Variants in CH25H observed in about 807,000 individuals in gnomAD.
The protein encoded by CH25H is cholesterol 25-monooxygenase.
Under a neutral mutation model 16.6 loss-of-function variants are expected in CH25H, and 10 were observed. The ratio of observed to expected loss-of-function variants is 0.60; its 90% CI spans 0.37 to 1.02. The LOEUF (loss-of-function observed/expected upper bound fraction) is 1.02. Ranked by LOEUF, CH25H falls within the 50% of genes least tolerant of loss-of-function variation. The pLI is 0.01. For missense variants in CH25H, 326 were observed against 344.7 expected (o/e 0.95, Z 0.43); for synonymous variants, 178 against 158.8 (o/e 1.12, Z -0.91).
chr10:89,206,377 A>T lies in CH25H; in HGVS notation c.*97T>A. ...ATAGATAAACATAAAGCAATAAGTT[A>T]GTTGCTTTAAAAAAATATATAGCTC... On this transcript the variant is annotated 3_prime_UTR_variant, in exon 1 of 1. Coordinates refer to ENST00000371852, the MANE Select transcript of CH25H (RefSeq NM_003956.4). The T allele has an allele frequency of 2.3e-6, 2 of 854,386 alleles. No homozygotes were observed. The highest frequency in any genetic ancestry group is 1.8e-5 in the South Asian group (1 of 56,876). The allele number at this position is 854,386 out of a possible 1,614,324, so 52.9% of individuals were successfully genotyped here. A position where few individuals can be genotyped will look rare whatever the true frequency, so the allele number is the denominator to read the frequency against.
Position 89,206,256 on chromosome 10 carries a change from A to C in CH25H, c.*218T>G, listed in dbSNP as rs1276962951. 1.8e-6 allele frequency: 1 copy of C among 547,458 alleles called. No homozygotes were observed. Among genetic ancestry groups the C allele is most frequent in the Non-Finnish European group, 3.3e-6 (1 of 305,562 alleles). The allele number at this position is 547,458 out of a possible 1,614,324, so 33.9% of individuals were successfully genotyped here. A position where few individuals can be genotyped will look rare whatever the true frequency, so the allele number is the denominator to read the frequency against. On this transcript the variant is annotated 3_prime_UTR_variant, in exon 1 of 1. Transcript: ENST00000371852. The stretch of plus-strand genomic sequence containing the variant: ...AAGGCTATTGAGGTGAGCTAGACTA[A>C]GAATACCAAGAACACAAAATTGTAT...
chr10:89,206,603 G>A lies in CH25H; in HGVS notation c.690C>T (p.Phe230=). 3 of 1,614,172 alleles carry A rather than the reference G, an allele frequency of 1.9e-6. No homozygotes were observed. The highest frequency in any genetic ancestry group is 2.5e-6 in the Non-Finnish European group (3 of 1,180,018). Residue 230 remains phenylalanine, a synonymous_variant, in exon 1 of 1, where the codon TTC becomes TTT. Coordinates refer to ENST00000371852, the MANE Select transcript of CH25H (RefSeq NM_003956.4). ...GGTGCACCACACCCCCGTACCACCC[G>A]AAGGGCACCAGTCTGTGAGTGGACC... ...FPWSTHRLVP[F]GWYGGVVHHD... is the part of the protein sequence containing the mutation.
Position 89,207,255 on chromosome 10 carries a change from C to A in CH25H, c.38G>T (p.Cys13Phe), listed in dbSNP as rs767357929. 7.5e-6 allele frequency: 12 copies of A among 1,595,464 alleles called. No individual in the cohort carries two copies. The highest frequency in any genetic ancestry group is 1.0e-5 in the Non-Finnish European group (12 of 1,172,240). Residue 13 changes from cysteine (C) to phenylalanine (F), a missense_variant, in exon 1 of 1, where the codon TGC becomes TTC. Coordinates refer to ENST00000371852, the MANE Select transcript of CH25H (RefSeq NM_003956.4). ...CTGCAGGAACAGCTGCCCGGAGCTG[C>A]AAAGGACCTGGGGGTCGGAGCAGTT... ...CHNCSDPQVL[C>F]SSGQLFLQPL...
At position 89,206,644 on chromosome 10, in the gene CH25H, C is replaced by G; in HGVS notation, c.649G>C (p.Gly217Arg). The change falls in exon 1 of 1, where the codon GGC (glycine) becomes CGC (arginine). Residue 217 changes from glycine to arginine, a missense_variant. Transcript: ENST00000371852. ...TGAGTGGACCAAGGGAAGTTGTAGC[C>G]GGAGTGGTCCTCCACGGAAAGCCAG... ...NIWLSVEDHSGYNFPWSTHRL... is the reference protein window; with the variant it reads ...NIWLSVEDHSRYNFPWSTHRL... 6.2e-7 allele frequency: 1 copy of G among 1,614,170 alleles called. No homozygotes were observed. Among genetic ancestry groups the G allele is most frequent in the Non-Finnish European group, 8.5e-7 (1 of 1,180,030 alleles).
chr10:89,206,792 G>T lies in CH25H; in HGVS notation c.501C>A (p.Phe167Leu), dbSNP rs778011111. 2 of 1,614,240 alleles carry T rather than the reference G, an allele frequency of 1.2e-6. No homozygotes were observed. Among genetic ancestry groups the T allele is most frequent in the South Asian group, 1.1e-5 (1 of 91,072 alleles). Residue 167 changes from phenylalanine to leucine, a missense_variant, in exon 1 of 1, where the codon TTC (phenylalanine) becomes TTA (leucine). Phe to Leu is a conservative substitution (Grantham distance 22). Transcript: ENST00000371852. The stretch of plus-strand genomic sequence containing the variant: ...CGCTCATATACTGCGTTGCCAGCGC[G>T]AACGAGGACGAGTTCTGGTGGTGCA... The part of the protein sequence containing the change: ...HKVHHQNSSS[F>L]ALATQYMSVW...
chr10:89,207,317 G>T lies in CH25H; in HGVS notation c.-25C>A, dbSNP rs1215719647. ...TTGCGAGGCTGTGCAAGGCAGCTGAGGCTGCTGCTCGAGTCCCATCGACTT... is the reference window on the plus strand; with the variant it reads ...TTGCGAGGCTGTGCAAGGCAGCTGATGCTGCTGCTCGAGTCCCATCGACTT... On this transcript the variant is annotated 5_prime_UTR_variant, in exon 1 of 1. Transcript: ENST00000371852. The T allele has an allele frequency of 6.6e-7, 1 of 1,522,154 alleles. No homozygotes were observed. The highest frequency in any genetic ancestry group is 2.0e-5 in the Admixed American group (1 of 50,044). 94.3% of individuals were successfully genotyped at this position (1,522,154 alleles called of 1,614,324 possible).
Position 89,206,480 on chromosome 10 carries a change from C to A in CH25H, c.813G>T (p.Ala271=). Residue 271 remains alanine (A), a synonymous_variant, in exon 1 of 1, where the codon GCG becomes GCT. Transcript: ENST00000371852. ...LGTLRTASVP[A]R Reference sequence around the variant, plus strand: ...GGCACCCACCGCAGCCACATCACCGCGCTGGGACAGATGCAGTCCGCAGCG... The same window carrying A: ...GGCACCCACCGCAGCCACATCACCGAGCTGGGACAGATGCAGTCCGCAGCG... 6.2e-7 allele frequency: 1 copy of A among 1,606,770 alleles called. No homozygotes were observed. The highest frequency in any genetic ancestry group is 8.5e-7 in the Non-Finnish European group (1 of 1,175,890).
At position 89,206,863 on chromosome 10, in the gene CH25H, G is replaced by A; in HGVS notation, c.430C>T (p.Leu144=). ...AGCCAGGGCACCTTGTGGTGCAGCA[G>A]GTGCCACACGAAGAACTCCATGTCG... ...LFDMEFFVWH[L]LHHKVPWLYR... Residue 144 remains leucine, a synonymous_variant, in exon 1 of 1, where the codon CTG becomes TTG. Coordinates refer to ENST00000371852, the MANE Select transcript of CH25H (RefSeq NM_003956.4). The A allele has an allele frequency of 2.5e-6, 4 of 1,614,252 alleles. No homozygotes were observed. The highest frequency in any genetic ancestry group is 3.4e-6 in the Non-Finnish European group (4 of 1,180,048).
chr10:89,206,195 T>C lies in CH25H; in HGVS notation c.*279A>G. The C allele has an allele frequency of 2.7e-6, 1 of 370,080 alleles. No individual in the cohort carries two copies. Among genetic ancestry groups the C allele is most frequent in the Non-Finnish European group, 5.0e-6 (1 of 201,020 alleles). 22.9% of individuals were successfully genotyped at this position (370,080 alleles called of 1,614,324 possible). A position where few individuals can be genotyped will look rare whatever the true frequency, so the allele number is the denominator to read the frequency against. ...AGTCCTTTTAGAGATATTCTAAATA[T>C]GCCAGTGATGAATGTCTAATTCATA... On this transcript the variant is annotated 3_prime_UTR_variant, in exon 1 of 1. Transcript: ENST00000371852.
In CH25H at chr10:89,206,762, C is replaced by T; in HGVS notation, c.531G>A (p.Trp177Ter). Reference sequence around the variant, plus strand: ...CGAAGAAGCCCAAAGAAAACAGTTCCCAGACGCTCATATACTGCGTTGCCA... The same window carrying T: ...CGAAGAAGCCCAAAGAAAACAGTTCTCAGACGCTCATATACTGCGTTGCCA... ...FALATQYMSV[W>*]ELFSLGFFDM... Residue 177 changes from tryptophan to a stop codon, truncating the protein, a stop_gained, in exon 1 of 1, where the codon TGG becomes TGA. Transcript: ENST00000371852. LOFTEE classifies it high-confidence loss of function. The T allele has an allele frequency of 1.2e-6, 2 of 1,614,208 alleles. No individual in the cohort carries two copies. The highest frequency in any genetic ancestry group is 1.6e-4 in the Middle Eastern group (1 of 6,062).
chr10:89,206,633 GA>G lies in CH25H; in HGVS notation c.659del (p.Phe220SerfsTer72). 6.2e-7 allele frequency: 1 copy of G among 1,614,262 alleles called. No individual in the cohort carries two copies. The highest frequency in any genetic ancestry group is 1.1e-5 in the South Asian group (1 of 91,090). On this transcript the variant is annotated frameshift_variant, in exon 1 of 1. Transcript: ENST00000371852. LOFTEE classifies it high-confidence loss of function. ...LSVEDHSGYN[F>X]PWSTHRLVPF... ...GCACCAGTCTGTGAGTGGACCAAGG[GA>G]AGTTGTAGCCGGAGTGGTCCTCCAC...
rs1351012580 is a variant in CH25H at position 89,205,638 on chromosome 10, C to T, written c.*836G>A. Reference sequence around the variant, plus strand: ...ACAAATAATAAAATGATTGACTGCTCAGCGTTAATCTTTCTATGAAACTTT... The same window carrying T: ...ACAAATAATAAAATGATTGACTGCTTAGCGTTAATCTTTCTATGAAACTTT... On this transcript the variant is annotated 3_prime_UTR_variant, in exon 1 of 1. Transcript: ENST00000371852. 1.3e-5 allele frequency: 2 copies of T among 152,256 alleles called. No individual in the cohort carries two copies. The highest frequency in any genetic ancestry group is 2.9e-5 in the Non-Finnish European group (2 of 68,052). The allele number at this position is 152,256 out of a possible 1,614,324, so 9.4% of individuals were successfully genotyped here. A position where few individuals can be genotyped will look rare whatever the true frequency, so the allele number is the denominator to read the frequency against.
At position 89,206,468 on chromosome 10, in the gene CH25H, G is replaced by A. The variant is rs1045813895; in HGVS notation, c.*6C>T. 3.8e-6 allele frequency: 6 copies of A among 1,599,476 alleles called. No homozygotes were observed. Among genetic ancestry groups the A allele is most frequent in the Non-Finnish European group, 4.3e-6 (5 of 1,171,042 alleles). ...CCGAGTCTTAGGGGCACCCACCGCAGCCACATCACCGCGCTGGGACAGATG... is the reference window on the plus strand; with the variant it reads ...CCGAGTCTTAGGGGCACCCACCGCAACCACATCACCGCGCTGGGACAGATG... On this transcript the variant is annotated 3_prime_UTR_variant, in exon 1 of 1. Coordinates refer to ENST00000371852, the MANE Select transcript of CH25H (RefSeq NM_003956.4).
At position 89,206,713 on chromosome 10, in the gene CH25H, C is replaced by A. The variant is rs1022165065; in HGVS notation, c.580G>T (p.Gly194Trp). ...FFDMMNVTLL[G>W]CHPLTTLTFH... is the part of the protein sequence containing the mutation. ...GTCAGGGTGGTGAGCGGGTGGCACC[C>A]GAGCAGTGTGACGTTCATCATGTCG... Residue 194 changes from glycine to tryptophan, a missense_variant, in exon 1 of 1, where the codon GGG becomes TGG. Coordinates refer to ENST00000371852, the MANE Select transcript of CH25H (RefSeq NM_003956.4). The A allele has an allele frequency of 9.9e-6, 16 of 1,614,040 alleles. No individual in the cohort carries two copies. Among genetic ancestry groups the A allele is most frequent in the Non-Finnish European group, 1.4e-5 (16 of 1,180,044 alleles).
chr10:89,205,675 C>G lies in CH25H; in HGVS notation c.*799G>C, dbSNP rs1272121164. 3 of 152,208 alleles carry G rather than the reference C, an allele frequency of 2.0e-5. No homozygotes were observed. Among genetic ancestry groups the G allele is most frequent in the African/African-American group, 7.2e-5 (3 of 41,446 alleles). 9.4% of individuals were successfully genotyped at this position (152,208 alleles called of 1,614,324 possible). A position where few individuals can be genotyped will look rare whatever the true frequency, so the allele number is the denominator to read the frequency against. ...TTCTATGAAACTTTACAGAGTAATC[C>G]TATCATTTGCCTGTTATACAGAAAT... On this transcript the variant is annotated 3_prime_UTR_variant, in exon 1 of 1. Transcript: ENST00000371852.
chr10:89,207,220 C>T lies in CH25H; in HGVS notation c.73G>A (p.Asp25Asn). 1 of 1,607,586 alleles carries T rather than the reference C, an allele frequency of 6.2e-7. No individual in the cohort carries two copies. Among genetic ancestry groups the T allele is most frequent in the Non-Finnish European group, 8.5e-7 (1 of 1,177,488 alleles). Reference sequence around the variant, plus strand: ...AGGGCCTCCCAGCTCCTCAGGTGGTCCCAGAGGGGCTGCAGGAACAGCTGC... The same window carrying T: ...AGGGCCTCCCAGCTCCTCAGGTGGTTCCAGAGGGGCTGCAGGAACAGCTGC... Reference protein sequence around the residue: ...SGQLFLQPLWDHLRSWEALLQ... With the variant: ...SGQLFLQPLWNHLRSWEALLQ... Residue 25 changes from aspartate to asparagine, a missense_variant, in exon 1 of 1, where the codon GAC becomes AAC. Coordinates refer to ENST00000371852, the MANE Select transcript of CH25H (RefSeq NM_003956.4).
chr10:89,207,230 C>T lies in CH25H; in HGVS notation c.63G>A (p.Gln21=), dbSNP rs768960791. Residue 21 remains glutamine (Q), a synonymous_variant, in exon 1 of 1, where the codon CAG becomes CAA. Transcript: ENST00000371852. ...VLCSSGQLFL[Q]PLWDHLRSWE... ...AGCTCCTCAGGTGGTCCCAGAGGGG[C>T]TGCAGGAACAGCTGCCCGGAGCTGC... is the stretch of plus-strand genomic sequence containing the variant. 2 of 1,606,298 alleles carry T rather than the reference C, an allele frequency of 1.2e-6. No individual in the cohort carries two copies. Among genetic ancestry groups the T allele is most frequent in the South Asian group, 2.2e-5 (2 of 89,516 alleles).
rs758964862 is a variant in CH25H at position 89,207,112 on chromosome 10, G to A, written c.181C>T (p.Leu61=). The part of the protein sequence containing the change: ...FCLPFVVLDI[L]CSWVPALRRY... ...CGCAGGGCGGGCACCCAGGAGCACAGGATATCCAGGACCACGAAGGGCAGG... is the reference window on the plus strand; with the variant it reads ...CGCAGGGCGGGCACCCAGGAGCACAAGATATCCAGGACCACGAAGGGCAGG... Residue 61 remains leucine (L), a synonymous_variant, in exon 1 of 1, where the codon CTG becomes TTG. Transcript: ENST00000371852. 8.1e-6 allele frequency: 13 copies of A among 1,613,726 alleles called. No individual in the cohort carries two copies. The highest frequency in any genetic ancestry group is 1.3e-5 in the African/African-American group (1 of 74,946).
rs1842511464 is a variant in CH25H, at chr10:89,206,940, G to C, written c.353C>G (p.Ala118Gly). The stretch of plus-strand genomic sequence containing the variant: ...GTGCAGCAGCAGGAGCAGCTCGGGA[G>C]CTTCGTGGGGCAGGAGGGCCGGGCT... ...ARSPALLPHE[A>G]PELLLLLHHI... Residue 118 changes from alanine (A) to glycine (G), a missense_variant, in exon 1 of 1, where the codon GCT (alanine) becomes GGT (glycine). Physicochemically the swap from Ala to Gly is moderately conservative, Grantham distance 60. Transcript: ENST00000371852. 4 of 1,614,086 alleles carry C rather than the reference G, an allele frequency of 2.5e-6. No individual in the cohort carries two copies. The highest frequency in any genetic ancestry group is 3.4e-6 in the Non-Finnish European group (4 of 1,180,022).
Sources: allele counts gnomAD v4.1 joint callset, GRCh38; gene constraint gnomAD v4.1.1; transcripts MANE v1.5; gene names NCBI Gene and HGNC (gene_info 2026-07-23, HGNC 2026-07-21).